ARFGEF1: variants seen among roughly 807,000 people sequenced by gnomAD.
ARFGEF1 encodes the protein brefeldin A-inhibited guanine nucleotide-exchange protein 1.
In ARFGEF1, 42 loss-of-function variants were observed where a neutral mutation model predicts 231.0. The ratio of observed to expected loss-of-function variants is 0.18; its 90% CI spans 0.14 to 0.24. ARFGEF1 has a LOEUF of 0.24. Ranked by LOEUF, ARFGEF1 falls within the 10% of genes least tolerant of loss-of-function variation. ARFGEF1 has a pLI of 1.00. For missense variants in ARFGEF1, 1,345 were observed against 2,192.0 expected (o/e 0.61, Z 7.72); for synonymous variants, 710 against 732.3 (o/e 0.97, Z 0.49).
intron 32 of ARFGEF1, among the ~76,000 whole-genome samples, chr8:67,217,422 A>ATT (rs1270056985): frequency 6.6e-6 from 1 of 151,958 alleles, no homozygotes; most frequent in Non-Finnish European, 1.5e-5. Flanking sequence ...TTTTCCTTAG[A>ATT]TTATTAAAAG....
rs1838752867 is a variant in ARFGEF1, at chr8:67,211,590, T to C, written c.4712A>G (p.Asp1571Gly). The change falls in exon 34 of 39, where the codon GAT becomes GGT. Residue 1571 changes from aspartate to glycine, a missense_variant. By Grantham distance (94) the Asp-to-Gly change is moderately conservative. Around this residue, in one of 14 missense-constraint regions of ARFGEF1, gnomAD observed 89 missense variants for 74.8 expected, o/e 1.19. Coordinates refer to ENST00000262215, the MANE Select transcript of ARFGEF1 (RefSeq NM_006421.5). ...PLDTISQKSV[D>G]IHDSIQPRSV... ...CCTTGGTTGAATAGAATCATGAATA[T>C]CTACAGACTTCTGTGATATTGTATC... is the stretch of plus-strand genomic sequence containing the variant. The C allele has an allele frequency of 1.3e-6, 2 of 1,523,856 alleles. No homozygotes were observed. The highest frequency in any genetic ancestry group is 1.4e-5 in the African/African-American group (1 of 71,426). 94.4% of individuals were successfully genotyped at this position (1,523,856 alleles called of 1,614,324 possible).
chr8:67,279,663 T>C (rs1805455878), intron 7 of ARFGEF1, among the ~76,000 whole-genome samples: 1 of 152,218 alleles, frequency 6.6e-6, no homozygotes, highest in Non-Finnish European at 1.5e-5. Flanking sequence ...TTTTTAGACT[T>C]TGAAGCCACA....
At chr8:67,216,489 G>A (rs1838938428) in intron 33 of ARFGEF1, 101 bp downstream of exon 33, 2 of 1,047,812 alleles carry the variant, frequency 1.9e-6, no homozygotes, top group East Asian at 3.0e-5. Flanking sequence ...TTTTTTAATA[G>A]CAGGAATGGA....
chr8:67,328,697 G>A (rs918875897), intron 1 of ARFGEF1, among the ~76,000 whole-genome samples: 2 of 152,124 alleles, frequency 1.3e-5, no homozygotes, highest in African/African-American at 4.8e-5. Context: ...CATTTGTAAG[G>A]ATACATCAAG....
At chr8:67,302,902 C>A (rs1806558575) in intron 1 of ARFGEF1, among the ~76,000 whole-genome samples, 1 of 114,494 alleles carries the variant, frequency 8.7e-6, no homozygotes. Context: ...AAGACCCCAT[C>A]TCTTAAAAAA....
chr8:67,238,452 T>C lies in ARFGEF1; in HGVS notation c.3180A>G (p.Ile1060Met), dbSNP rs749124100. 3.7e-6 allele frequency: 6 copies of C among 1,613,900 alleles called. No individual in the cohort carries two copies. Among genetic ancestry groups the C allele is most frequent in the South Asian group, 1.1e-5 (1 of 90,998 alleles). The change falls in exon 22 of 39, where the codon ATA becomes ATG. Residue 1060 changes from isoleucine (I) to methionine (M), a missense_variant. By Grantham distance (10) the Ile-to-Met change is conservative. Coordinates refer to ENST00000262215, the MANE Select transcript of ARFGEF1 (RefSeq NM_006421.5). The part of the protein sequence containing the change: ...CISQLELAQL[I>M]GTGVKPRYIS... The stretch of plus-strand genomic sequence containing the variant: ...TGTATCGAGGTTTCACTCCAGTTCC[T>C]ATAAGCTGTGCCAGCTCCAACTGAC...
At chr8:67,218,371 A>G (rs1839029774) in intron 30 of ARFGEF1, among the ~76,000 whole-genome samples, 1 of 150,996 alleles carries the variant, frequency 6.6e-6, no homozygotes, top group Admixed American at 6.6e-5. Context: ...CTATGTATAC[A>G]ATAATTTAAC....
intron 1 of ARFGEF1, among the ~76,000 whole-genome samples, chr8:67,335,296 G>C (rs927008849): frequency 1.6e-4 from 24 of 151,798 alleles, no homozygotes; most frequent in African/African-American, 5.8e-4. Context: ...TAGTAGAGAC[G>C]GGGTTTCACT....
At chr8:67,196,105 G>A (rs1377037215), downstream of ARFGEF1, 2 of 152,924 alleles carry the variant, frequency 1.3e-5, no homozygotes, top group African/African-American at 2.4e-5. Context: ...GAAATGAAGG[G>A]AACTGTAATT....
chr8:67,331,851 A>G (rs1301614762), intron 1 of ARFGEF1, among the ~76,000 whole-genome samples: 2 of 152,216 alleles, frequency 1.3e-5, no homozygotes, highest in East Asian at 3.8e-4. Context: ...ATTTGTACCT[A>G]GCACAGGTAT....
At chr8:67,300,796 A>AGG (rs1806451303) in intron 3 of ARFGEF1, among the ~76,000 whole-genome samples, 1 of 151,832 alleles carries the variant, frequency 6.6e-6, no homozygotes, top group Non-Finnish European at 1.5e-5. Flanking sequence ...GTGAGCCAAG[A>AGG]TTACGCCACT....
chr8:67,252,746 T>A (rs1432263843), intron 18 of ARFGEF1, among the ~76,000 whole-genome samples: 1 of 152,182 alleles, frequency 6.6e-6, no homozygotes. Context: ...TGCCTCCTGG[T>A]GTTAGTTAGA....
rs776991722 is a variant in ARFGEF1 at position 67,264,138 on chromosome 8, T to C, written c.2123+1868A>G. On this transcript the variant is annotated intron_variant, in intron 14 of 38. Coordinates refer to ENST00000262215, the MANE Select transcript of ARFGEF1 (RefSeq NM_006421.5). ...TTTATTCTCTAAGAGAGGGAAAAAA[T>C]AGACTTTCATTCAAGAAAGGTTACT... Among the ~76,000 whole-genome samples the C allele has an allele frequency of 4.6e-5, 7 of 151,908 alleles. No homozygotes were observed. In the East Asian group the frequency reaches 5.8e-4, roughly 13 times the overall value.
At chr8:67,238,995 T>C in intron 20 of ARFGEF1, 102 bp from the exon 21 acceptor site, 1 of 949,346 alleles carries the variant, frequency 1.1e-6, no homozygotes, top group Non-Finnish European at 1.4e-6. Context: ...GATTTTGTTT[T>C]TTTTTTTTTT....
intron 10 of ARFGEF1, among the ~76,000 whole-genome samples, chr8:67,269,592 C>A (rs1804989338): frequency 6.6e-6 from 1 of 151,898 alleles, no homozygotes; most frequent in South Asian, 2.1e-4. Flanking sequence ...CTCAGGTGAT[C>A]CACCCGCCTC....
rs775419353 is a variant in ARFGEF1 at position 67,291,827 on chromosome 8, C to A, written c.916+20G>T. 3 of 1,609,790 alleles carry A rather than the reference C, an allele frequency of 1.9e-6. No individual in the cohort carries two copies. The highest frequency in any genetic ancestry group is 2.5e-6 in the Non-Finnish European group (3 of 1,177,426). ...ATTTCCCTTAACACACACCCCAAAC[C>A]CCCTTTTCAAGAAGATTACTTTCAG... On this transcript the variant is annotated intron_variant, in intron 6 of 38. Coordinates refer to ENST00000262215, the MANE Select transcript of ARFGEF1 (RefSeq NM_006421.5).
At chr8:67,323,602 T>C (rs530427738) in intron 1 of ARFGEF1, among the ~76,000 whole-genome samples, 1 of 152,308 alleles carries the variant, frequency 6.6e-6, no homozygotes, top group East Asian at 1.9e-4. Context: ...AATCATGTCA[T>C]TAGAAACCTC....
rs1469652600 is a variant in ARFGEF1 at position 67,311,170 on chromosome 8, C to T, written c.125-8704G>A. Among the ~76,000 whole-genome samples the T allele has an allele frequency of 2.7e-5, 4 of 147,828 alleles. No individual in the cohort carries two copies. In the East Asian group the frequency reaches 8.3e-4, roughly 31 times the overall value. On this transcript the variant is annotated intron_variant, in intron 1 of 38. Transcript: ENST00000262215. ...GTCTGGGAGGTGAGGGGCGCCTCTG[C>T]CCGGCCGCCCCCACTGGGAAGTGAG...
chr8:67,220,438 T>C (rs139150911), intron 29 of ARFGEF1, among the ~76,000 whole-genome samples: 11 of 152,342 alleles, frequency 7.2e-5, no homozygotes, highest in African/African-American at 2.6e-4. Flanking sequence ...TTTGCTGCTA[T>C]GCTATCCCCA....
Sources: allele counts gnomAD v4.1 joint callset (sites outside exome capture counted in the v4.1 genomes callset), GRCh38; gene constraint gnomAD v4.1.1; regional missense constraint gnomAD v4.1.1; transcripts MANE v1.5; gene names NCBI Gene and HGNC (gene_info 2026-07-23, HGNC 2026-07-21).